PROSER1: variants seen among roughly 807,000 people sequenced by gnomAD.
The protein encoded by PROSER1 is proline and serine rich 1.
In PROSER1, 36 loss-of-function variants were observed where a neutral mutation model predicts 71.8. The ratio of observed to expected loss-of-function variants is 0.50; its 90% CI spans 0.38 to 0.66. PROSER1 has a LOEUF of 0.66. Ranked by LOEUF, PROSER1 falls within the 30% of genes least tolerant of loss-of-function variation. The pLI, the probability that PROSER1 is intolerant of heterozygous loss-of-function variation, is 0.00. For missense variants in PROSER1, 1,107 were observed against 1,135.0 expected, an observed-to-expected ratio of 0.98 and a Z score of 0.35; for synonymous variants, 490 against 452.4, an observed-to-expected ratio of 1.08 and a Z score of -1.06.
At chr13:39,029,449 A>C in intron 3 of PROSER1, 74 bp from the exon 4 acceptor site, 1 of 742,934 alleles carries the variant, frequency 1.3e-6, no homozygotes, top group Non-Finnish European at 2.2e-6. Flanking sequence ...CTGGAAGTAC[A>C]GTTAAATGCT....
At position 39,018,473 on chromosome 13, in the gene PROSER1, GACACACACAC is replaced by G. The variant is rs56659534; in HGVS notation, c.731-939_731-930del. On this transcript the variant is annotated intron_variant, in intron 9 of 12. Coordinates refer to ENST00000352251, the MANE Select transcript of PROSER1 (RefSeq NM_025138.5). The stretch of plus-strand genomic sequence containing the variant: ...TAAAGAAAAAGGACTTTTAAAACCC[GACACACACAC>G]ACACACACACACACACACACACACA... Among the ~76,000 whole-genome samples the G allele has an allele frequency of 1.1e-3, 130 of 120,248 alleles. 1 individual carries two copies. Among genetic ancestry groups the G allele is most frequent in the African/African-American group, 3.6e-3 (98 of 27,426 alleles). The allele number at this position is 120,248 out of a possible 152,430, so 78.9% of individuals were successfully genotyped here.
intron 2 of PROSER1, among the ~76,000 whole-genome samples, chr13:39,033,348 A>T (rs1870949684): frequency 6.6e-6 from 1 of 152,274 alleles, no homozygotes; most frequent in African/African-American, 2.4e-5. Context: ...CAGAACTTCT[A>T]TAGGCTTAAA....
At chr13:39,011,695 T>G (rs906085844) in intron 12 of PROSER1, among the ~76,000 whole-genome samples, 1 of 152,226 alleles carries the variant, frequency 6.6e-6, no homozygotes, top group Non-Finnish European at 1.5e-5. Flanking sequence ...GAACTGTCAT[T>G]AAAATATTTA....
chr13:39,024,675 T>C (rs1001087122), intron 6 of PROSER1, 119 bp from the exon 7 acceptor site: 8 of 706,964 alleles, frequency 1.1e-5, no homozygotes, highest in Admixed American at 8.6e-5. Context: ...GTGTAAAGAC[T>C]TGCATTCCCA....
chr13:39,013,287 G>A lies in PROSER1; in HGVS notation c.1965C>T (p.Cys655=). The A allele has an allele frequency of 6.2e-7, 1 of 1,614,178 alleles. No homozygotes were observed. Among genetic ancestry groups the A allele is most frequent in the Non-Finnish European group, 8.5e-7 (1 of 1,180,048 alleles). Residue 655 remains cysteine (C), a synonymous_variant, in exon 11 of 13, where the codon TGC becomes TGT. Coordinates refer to ENST00000352251, the MANE Select transcript of PROSER1 (RefSeq NM_025138.5). ...STSVPISLSA[C]LNPALSGLSS... ...AGAGACCTGACAATGCAGGATTAAG[G>A]CAAGCAGATAAACTGATGGGCACGG...
At position 39,012,904 on chromosome 13, in the gene PROSER1, G is replaced by A. The variant is rs760454269; in HGVS notation, c.2348C>T (p.Ser783Phe). The change falls in exon 11 of 13, where the codon TCT becomes TTT. Residue 783 changes from serine to phenylalanine, a missense_variant. By Grantham distance (155) the Ser-to-Phe change is radical. Transcript: ENST00000352251. ...AAAGCCTGGATAGGAGGGATTTGAA[G>A]ATGACAGAGGTCCTTGAGTAACAGA... ...LFSVTQGPLS[S>F]SNPSYPGFSV... The A allele has an allele frequency of 6.2e-7, 1 of 1,614,182 alleles. No homozygotes were observed.
At chr13:39,036,489 C>T (rs1871111648) in intron 1 of PROSER1, among the ~76,000 whole-genome samples, 1 of 152,114 alleles carries the variant, frequency 6.6e-6, no homozygotes, top group Non-Finnish European at 1.5e-5. Context: ...AATGGTACAT[C>T]AAGTCCTTAC....
chr13:39,036,205 T>C (rs1871090891), intron 1 of PROSER1, among the ~76,000 whole-genome samples: 1 of 152,150 alleles, frequency 6.6e-6, no homozygotes, highest in African/African-American at 2.4e-5. Context: ...GACACTTAGG[T>C]TTGCAAAAGC....
At chr13:39,035,607 T>G (rs1009865124) in intron 1 of PROSER1, among the ~76,000 whole-genome samples, 13 of 152,216 alleles carry the variant, frequency 8.5e-5, no homozygotes, top group Non-Finnish European at 7.3e-5. Context: ...AATAATCAGT[T>G]AACCATTGCT....
chr13:39,030,873 CAAGT>C (rs1211177164), intron 3 of PROSER1, among the ~76,000 whole-genome samples: 1 of 151,998 alleles, frequency 6.6e-6, no homozygotes, highest in Non-Finnish European at 1.5e-5. Flanking sequence ...AGTAAAAAAG[CAAGT>C]ATTAAAGAGG....
intron 3 of PROSER1, among the ~76,000 whole-genome samples, chr13:39,030,132 A>G (rs1027907360): frequency 1.3e-5 from 2 of 152,206 alleles, no homozygotes; most frequent in Admixed American, 6.5e-5. Context: ...GTACTACCAG[A>G]AGAACTAATA....
In PROSER1 at chr13:39,028,216, T is replaced by C. The variant is rs1445107627; in HGVS notation, c.369+11A>G. Reference sequence around the variant, plus strand: ...AGCGTACCAAGTACATGACAATCTTTAGAAAACTACCTGTTCAAGTATTCT... The same window carrying C: ...AGCGTACCAAGTACATGACAATCTTCAGAAAACTACCTGTTCAAGTATTCT... On this transcript the variant is annotated intron_variant, in intron 5 of 12. Transcript: ENST00000352251. 8.9e-6 allele frequency: 13 copies of C among 1,463,836 alleles called. No individual in the cohort carries two copies. Among genetic ancestry groups the C allele is most frequent in the Non-Finnish European group, 9.6e-6 (10 of 1,045,592 alleles). 90.7% of individuals were successfully genotyped at this position (1,463,836 alleles called of 1,614,324 possible).
chr13:39,035,878 G>A (rs1871077976), intron 1 of PROSER1, among the ~76,000 whole-genome samples: 1 of 152,098 alleles, frequency 6.6e-6, no homozygotes, highest in Admixed American at 6.5e-5. Flanking sequence ...TAATCACTCG[G>A]CAAAGCCAGC....
chr13:39,024,189 A>G (rs1215803294), intron 7 of PROSER1, among the ~76,000 whole-genome samples: 1 of 152,030 alleles, frequency 6.6e-6, no homozygotes, highest in Admixed American at 6.6e-5. Context: ...AGTTAAAACA[A>G]GCTCTCCACA....
rs772568127 is a variant in PROSER1 at position 39,029,263 on chromosome 13, A to G, written c.275+18T>C. The G allele has an allele frequency of 2.2e-6, 3 of 1,377,322 alleles. No homozygotes were observed. Among genetic ancestry groups the G allele is most frequent in the Non-Finnish European group, 2.0e-6 (2 of 1,015,264 alleles). 85.3% of individuals were successfully genotyped at this position (1,377,322 alleles called of 1,614,324 possible). On this transcript the variant is annotated intron_variant, in intron 4 of 12. Transcript: ENST00000352251. The stretch of plus-strand genomic sequence containing the variant: ...TTTCCCAAGTAAAAAAAAAAAAAAA[A>G]AAAAAAGAAATACTTACGAGGCTAA...
In PROSER1 at chr13:39,013,959, C is replaced by A; in HGVS notation, c.1293G>T (p.Gly431=). 6.2e-7 allele frequency: 1 copy of A among 1,614,016 alleles called. No individual in the cohort carries two copies. Among genetic ancestry groups the A allele is most frequent in the Non-Finnish European group, 8.5e-7 (1 of 1,179,998 alleles). The change falls in exon 11 of 13, where the codon GGG becomes GGT. Residue 431 remains glycine (G), a synonymous_variant. Coordinates refer to ENST00000352251, the MANE Select transcript of PROSER1 (RefSeq NM_025138.5). The stretch of plus-strand genomic sequence containing the variant: ...ATGTTGGTGGTAAGGGCAAAGGGAG[C>A]CCTGCAAAAACTGATGACAATGAAG... The part of the protein sequence containing the change: ...NSASLSSVFA[G]LPLPLPPTSQ...
intron 7 of PROSER1, 21 bp from the exon 8 acceptor site, chr13:39,023,151 C>G (rs752033476): frequency 3.2e-6 from 5 of 1,581,010 alleles, no homozygotes; most frequent in African/African-American, 1.3e-5. Context: ...GGGGAAAATA[C>G]AGCAGTTAGA....
chr13:39,018,472 C>T (rs996191278), intron 9 of PROSER1, among the ~76,000 whole-genome samples: 2 of 105,158 alleles, frequency 1.9e-5, no homozygotes, highest in African/African-American at 7.2e-5. Flanking sequence ...TTTTAAAACC[C>T]GACACACACA....
chr13:39,034,511 T>A (rs1871005345), intron 1 of PROSER1, among the ~76,000 whole-genome samples: 2 of 152,242 alleles, frequency 1.3e-5, no homozygotes, highest in Non-Finnish European at 2.9e-5. Flanking sequence ...AATTCCTAAA[T>A]ATGTAATTAA....
Sources: gnomAD v4.1 joint callset for allele counts (sites outside exome capture counted in the v4.1 genomes callset) on GRCh38, gnomAD v4.1.1 for gene constraint, MANE v1.5 for transcripts, NCBI Gene and HGNC (gene_info 2026-07-23, HGNC 2026-07-21) for gene names.